PAK3: variants seen among roughly 807,000 people sequenced by gnomAD.
PAK3 encodes the protein serine/threonine-protein kinase PAK 3.
Under a neutral mutation model 41.0 loss-of-function variants are expected in PAK3, and 4 were observed. That is an observed-to-expected ratio of 0.10 (90% CI 0.05 to 0.22). The LOEUF (loss-of-function observed/expected upper bound fraction) is 0.22. PAK3 is among the 10% of genes least tolerant of loss of function. The pLI is 1.00. For missense variants in PAK3, 205 were observed against 409.9 expected (o/e 0.50, Z 4.32); for synonymous variants, 146 against 139.6 (o/e 1.05, Z -0.32).
intron 11 of PAK3, among the ~76,000 whole-genome samples, chrX:111,179,011 C>CTATATA (rs57999727): frequency 2.2e-5 from 2 of 89,814 alleles, no homozygotes; most frequent in South Asian, 5.1e-4. Context: ...ATCTATATAT[C>CTATATA]TATATATATA....
intron 1 of PAK3, among the ~76,000 whole-genome samples, chrX:110,991,305 G>A (rs1473553196): frequency 5.4e-5 from 6 of 111,742 alleles, no homozygotes; most frequent in African/African-American, 1.9e-4. Flanking sequence ...TAAACATTTA[G>A]CATAGCACCT....
At chrX:111,145,169 T>A (rs1378702039) in intron 6 of PAK3, among the ~76,000 whole-genome samples, 2 of 112,133 alleles carry the variant, frequency 1.8e-5, no homozygotes, top group East Asian at 5.6e-4. Flanking sequence ...TTTATGACTA[T>A]GTGCCTTTGT....
At chrX:111,191,966 T>A (rs2094564322) in intron 11 of PAK3, among the ~76,000 whole-genome samples, 161 bp from the exon 12 acceptor site, 1 of 111,317 alleles carries the variant, frequency 9.0e-6, no homozygotes, top group Non-Finnish European at 1.9e-5. Context: ...TGTTTTTTTT[T>A]AATCACAATA....
rs1350970528 is a variant in PAK3 at position 111,062,733 on chromosome X, C to T, written c.-27-60344C>T. Reference sequence around the variant, plus strand: ...CCTGCCCACCTGCCTGCCTGCCTACCTGCCTTAGGTTATGAAGCCAATTAG... The same window carrying T: ...CCTGCCCACCTGCCTGCCTGCCTACTTGCCTTAGGTTATGAAGCCAATTAG... On this transcript the variant is annotated intron_variant, in intron 1 of 14. Transcript: ENST00000425146. Among the ~76,000 whole-genome samples, 10 of 111,841 alleles carry T rather than the reference C, an allele frequency of 8.9e-5. No individual in the cohort carries two copies. In the Admixed American group the frequency reaches 9.5e-4, roughly 11 times the overall value.
upstream of PAK3, among the ~76,000 whole-genome samples, chrX:111,095,101 T>A (rs2092963028): frequency 8.9e-6 from 1 of 111,846 alleles, no homozygotes; most frequent in African/African-American, 3.3e-5. Context: ...TTGCTGGATG[T>A]TACACAGTGT....
intron 1 of PAK3, among the ~76,000 whole-genome samples, chrX:111,027,892 C>T (rs2092291993): frequency 9.2e-6 from 1 of 108,648 alleles, no homozygotes; most frequent in African/African-American, 3.3e-5. Context: ...GCACAATTTG[C>T]AATTGCATAC....
intron 9 of PAK3, 95 bp from the exon 10 acceptor site, chrX:111,163,467 C>T: frequency 4.7e-6 from 3 of 640,466 alleles, no homozygotes; most frequent in African/African-American, 2.2e-5. Context: ...GAAAATACCA[C>T]TTGTCTTTAA....
At chrX:111,211,568 C>T (rs1603396267) in intron 16 of PAK3, among the ~76,000 whole-genome samples, 2 of 105,556 alleles carry the variant, frequency 1.9e-5, no homozygotes, top group East Asian at 5.9e-4. Context: ...CCCAGCTACT[C>T]GGGAGGCTGA....
intron 13 of PAK3, 65 bp downstream of exon 13, chrX:111,192,683 A>G (rs1835908282): frequency 5.2e-6 from 3 of 581,498 alleles, no homozygotes; most frequent in East Asian, 3.5e-5. Flanking sequence ...TTGGCAAATT[A>G]CTTTATTTGG....
chrX:111,166,947 A>T (rs1354983176), intron 10 of PAK3, among the ~76,000 whole-genome samples: 1 of 111,892 alleles, frequency 8.9e-6, no homozygotes, highest in Non-Finnish European at 1.9e-5. Flanking sequence ...GTATGTCCTT[A>T]GTCAAGTCAC....
chrX:111,170,363 A>T lies in PAK3; in HGVS notation c.767-2655A>T, dbSNP rs762814474. Among the ~76,000 whole-genome samples the T allele has an allele frequency of 3.3e-3, 335 of 102,114 alleles. 1 individual carries two copies. The highest frequency in any genetic ancestry group is 0.02 in the Middle Eastern group (4 of 204). 88.7% of individuals were successfully genotyped at this position (102,114 alleles called of 115,157 possible). ...CTTAATTTAAAAGTGAACTTTCATT[A>T]AAAAAAAAACCAACAACTTGATGAG... On this transcript the variant is annotated intron_variant, in intron 10 of 17. Transcript: ENST00000372007.
intron 8 of PAK3, among the ~76,000 whole-genome samples, chrX:111,157,787 CAAAA>C (rs769777507): frequency 1.4e-5 from 1 of 71,648 alleles, no homozygotes. Flanking sequence ...AACTCCATCT[CAAAA>C]AAAAAAAAAG....
chrX:111,018,716 T>A (rs192350896), intron 1 of PAK3, among the ~76,000 whole-genome samples: 3 of 111,836 alleles, frequency 2.7e-5, no homozygotes, highest in Admixed American at 1.9e-4. Flanking sequence ...CCCCAGTGAC[T>A]TTTGTTGCAG....
At chrX:111,087,431 A>C (rs1165840562) in intron 1 of PAK3, among the ~76,000 whole-genome samples, 1 of 109,614 alleles carries the variant, frequency 9.1e-6, no homozygotes, top group African/African-American at 3.3e-5. Flanking sequence ...TACAAAAAAA[A>C]AAAAAGGATT....
chrX:111,076,864 G>T (rs1346538062), intron 1 of PAK3, among the ~76,000 whole-genome samples: 1 of 111,611 alleles, frequency 9.0e-6, no homozygotes, highest in African/African-American at 3.3e-5. Context: ...ATCCCATTCA[G>T]AAAGGAAGAA....
chrX:110,974,390 C>G (rs2091281628), intron 1 of PAK3, among the ~76,000 whole-genome samples: 1 of 112,104 alleles, frequency 8.9e-6, no homozygotes, highest in Non-Finnish European at 1.9e-5. Flanking sequence ...GACACATACA[C>G]CTTCCCAAGA....
chrX:111,145,311 A>G (rs986816727), intron 6 of PAK3, among the ~76,000 whole-genome samples: 1 of 112,175 alleles, frequency 8.9e-6, no homozygotes, highest in Non-Finnish European at 1.9e-5. Flanking sequence ...AGTTGTCTGG[A>G]GGATTTTCTG....
chrX:111,154,446 G>A (rs1454634489), intron 8 of PAK3, among the ~76,000 whole-genome samples: 1 of 111,444 alleles, frequency 9.0e-6, no homozygotes, highest in East Asian at 2.8e-4. Context: ...AGCTTTAAGA[G>A]GGAATAAAAA....
At chrX:111,065,252 G>T (rs1401317680) in intron 1 of PAK3, among the ~76,000 whole-genome samples, 3 of 109,279 alleles carry the variant, frequency 2.7e-5, no homozygotes, top group African/African-American at 9.9e-5. Flanking sequence ...TTTGTTGTGG[G>T]TTTTTATCAT....
Sources: allele counts gnomAD v4.1 joint callset (sites outside exome capture counted in the v4.1 genomes callset), GRCh38; gene constraint gnomAD v4.1.1; transcripts MANE v1.5; gene names NCBI Gene and HGNC (gene_info 2026-07-23, HGNC 2026-07-21).